The following MND1 variants were observed in gnomAD, a reference collection of about 807,000 sequenced individuals.
MND1 encodes meiotic nuclear divisions 1, also known as meiotic nuclear division protein 1 homolog.
MND1 carries 28 observed loss-of-function variants against 35.1 expected under a neutral mutation model. The ratio of observed to expected loss-of-function variants is 0.80; its 90% CI spans 0.59 to 1.09. MND1 has a LOEUF of 1.09. MND1 is among the 50% of genes least tolerant of loss of function. The pLI, the probability that MND1 is intolerant of heterozygous loss-of-function variation, is 0.00. For missense variants in MND1, 213 were observed against 239.6 expected (o/e 0.89, Z 0.73); for synonymous variants, 69 against 70.5 (o/e 0.98, Z 0.11).
Position 153,381,709 on chromosome 4 carries a change from T to A in MND1, c.277-12553T>A, listed in dbSNP as rs867299021. 1.2e-3 allele frequency: 96 copies of A among 78,834 alleles called. 2 individuals carry two copies. Among genetic ancestry groups the A allele is most frequent in the African/African-American group, 4.4e-3 (71 of 16,238 alleles). 4.9% of individuals were successfully genotyped at this position (78,834 alleles called of 1,614,324 possible). A position where few individuals can be genotyped will look rare whatever the true frequency, so the allele number is the denominator to read the frequency against. On this transcript the variant is annotated intron_variant, in intron 4 of 7. Transcript: ENST00000240488. ...ATATATATATTTTTTTTTTTTTTTT[T>A]TTTTTTTTTTTTTTAAGAGATAGAG...
chr4:153,356,478 A>G (rs1375516164), intron 3 of MND1, among the ~76,000 whole-genome samples: 1 of 137,754 alleles, frequency 7.3e-6, no homozygotes, highest in Non-Finnish European at 1.5e-5. Context: ...GCGTGAACCC[A>G]GGAGGCAGAG....
chr4:153,345,464 A>C, intron 1 of MND1: 1 of 985,474 alleles, frequency 1.0e-6, no homozygotes, highest in South Asian at 4.7e-5. Context: ...GACGCTCTGC[A>C]CTGAATTAGG....
chr4:153,353,408 T>C (rs1384403058), intron 2 of MND1, among the ~76,000 whole-genome samples: 2 of 30,236 alleles, frequency 6.6e-5, no homozygotes, highest in Admixed American at 3.1e-4. Context: ...TTATCACATA[T>C]ATATATATAT....
chr4:153,357,742 C>CA (rs1410785721), intron 3 of MND1, among the ~76,000 whole-genome samples: 1 of 152,060 alleles, frequency 6.6e-6, no homozygotes, highest in Non-Finnish European at 1.5e-5. Context: ...GGATCAAAAA[C>CA]AAAAAACAAA....
intron 4 of MND1, among the ~76,000 whole-genome samples, chr4:153,388,983 A>G (rs1323110861): frequency 6.6e-6 from 1 of 152,176 alleles, no homozygotes; most frequent in Non-Finnish European, 1.5e-5. Flanking sequence ...TGGGGCTTTT[A>G]TGGGCACAGA....
At chr4:153,350,987 A>G (rs371021709) in intron 2 of MND1, among the ~76,000 whole-genome samples, 4 of 149,788 alleles carry the variant, frequency 2.7e-5, no homozygotes, top group African/African-American at 9.8e-5. Flanking sequence ...AATACACGGG[A>G]TTTGCCCACT....
At chr4:153,364,572 T>C (rs1773579044) in intron 4 of MND1, among the ~76,000 whole-genome samples, 1 of 151,914 alleles carries the variant, frequency 6.6e-6, no homozygotes, top group South Asian at 2.1e-4. Context: ...AAGCAGGGTC[T>C]TGAAGAGCTA....
intron 7 of MND1, among the ~76,000 whole-genome samples, chr4:153,411,019 C>T (rs938129134): frequency 3.3e-5 from 5 of 151,998 alleles, no homozygotes; most frequent in African/African-American, 4.8e-5. Context: ...AAAAATGTAG[C>T]TAGAATTGAG....
chr4:153,350,456 C>G (rs1773186385), intron 2 of MND1, among the ~76,000 whole-genome samples: 1 of 152,160 alleles, frequency 6.6e-6, no homozygotes, highest in Non-Finnish European at 1.5e-5. Context: ...AGGTGCCAAC[C>G]AGTCTTGGAT....
chr4:153,412,770 G>A (rs1729720835), intron 7 of MND1, among the ~76,000 whole-genome samples: 1 of 150,316 alleles, frequency 6.7e-6, no homozygotes, highest in South Asian at 2.1e-4. Flanking sequence ...TTACAGGCGT[G>A]AGCCACCGCA....
chr4:153,368,586 T>C (rs1295570765), intron 4 of MND1, among the ~76,000 whole-genome samples: 1 of 152,226 alleles, frequency 6.6e-6, no homozygotes, highest in Non-Finnish European at 1.5e-5. Flanking sequence ...TTCTCCTCTT[T>C]TCTGTGATAT....
chr4:153,393,881 A>G (rs539456150), intron 4 of MND1, among the ~76,000 whole-genome samples: 14 of 149,060 alleles, frequency 9.4e-5, no homozygotes, highest in Admixed American at 7.3e-4. Context: ...GTTTTCTTCA[A>G]ATTGGAGAAA....
At chr4:153,357,981 T>C (rs1471173134) in intron 3 of MND1, among the ~76,000 whole-genome samples, 5 of 152,224 alleles carry the variant, frequency 3.3e-5, no homozygotes, top group Non-Finnish European at 7.3e-5. Flanking sequence ...TAAGCACTGA[T>C]GCTAGCATCT....
At chr4:153,402,715 T>G (rs896716055) in intron 6 of MND1, among the ~76,000 whole-genome samples, 5 of 152,198 alleles carry the variant, frequency 3.3e-5, no homozygotes, top group African/African-American at 1.2e-4. Flanking sequence ...AAACTGTCTT[T>G]ATTTGATCTG....
At chr4:153,381,101 G>A (rs1020081920) in intron 4 of MND1, among the ~76,000 whole-genome samples, 12 of 152,124 alleles carry the variant, frequency 7.9e-5, no homozygotes, top group Middle Eastern at 3.4e-3. Flanking sequence ...GGGTTTCAAC[G>A]TGTTAGCCAG....
chr4:153,402,588 C>T (rs1306150003), intron 6 of MND1, among the ~76,000 whole-genome samples: 1 of 152,170 alleles, frequency 6.6e-6, no homozygotes, highest in Admixed American at 6.5e-5. Flanking sequence ...GGATAACAAC[C>T]CTGCATTCCT....
At chr4:153,402,351 T>C (rs1244455326) in intron 6 of MND1, among the ~76,000 whole-genome samples, 1 of 152,190 alleles carries the variant, frequency 6.6e-6, no homozygotes, top group Admixed American at 6.5e-5. Flanking sequence ...TAGAAATAAA[T>C]GCCAGGATGA....
intron 1 of MND1, among the ~76,000 whole-genome samples, chr4:153,346,223 A>T (rs1409266005): frequency 2.0e-5 from 3 of 152,206 alleles, no homozygotes; most frequent in South Asian, 2.1e-4. Context: ...GAAATTGGAG[A>T]AGTGCAGTGC....
chr4:153,355,599 T>C, intron 2 of MND1, 55 bp from the exon 3 acceptor site: 1 of 1,147,720 alleles, frequency 8.7e-7, no homozygotes, highest in East Asian at 2.4e-5. Context: ...AATGAAAATA[T>C]ACATAGTAGA....
Sources: gnomAD v4.1 joint callset for allele counts (sites outside exome capture counted in the v4.1 genomes callset) on GRCh38, gnomAD v4.1.1 for gene constraint, MANE v1.5 for transcripts, NCBI Gene and HGNC (gene_info 2026-07-23, HGNC 2026-07-21) for gene names.